BICC1: variants seen among roughly 807,000 people sequenced by gnomAD.
BICC1 encodes BicC family RNA binding protein 1.
In BICC1, 43 loss-of-function variants were observed where a neutral mutation model predicts 111.0. That is an observed-to-expected ratio of 0.39 (90% CI 0.30 to 0.50). BICC1 has a LOEUF of 0.50. Among genes scored for constraint, BICC1 ranks in the 20% least tolerant of loss-of-function variants. BICC1 has a pLI of 0.88. For missense variants in BICC1, 1,091 were observed against 1,203.2 expected, an observed-to-expected ratio of 0.91 and a Z score of 1.38; for synonymous variants, 467 against 434.4, an observed-to-expected ratio of 1.07 and a Z score of -0.93.
rs542489577 is a variant in BICC1, at chr10:58,707,094, A to G, written c.307+4951A>G. Among the ~76,000 whole-genome samples, 6 of 152,308 alleles carry G rather than the reference A, an allele frequency of 3.9e-5. No homozygotes were observed. In the South Asian group the frequency reaches 1.0e-3, roughly 26 times the overall value. On this transcript the variant is annotated intron_variant, in intron 3 of 20. Transcript: ENST00000373886. ...CTTGATGTTTCCTGGTTTGGAGACA[A>G]TTTGGCACCAAGTTTAGCCATTCTC...
intron 3 of BICC1, among the ~76,000 whole-genome samples, chr10:58,748,692 T>C (rs1056889200): frequency 6.6e-6 from 1 of 152,128 alleles, no homozygotes; most frequent in African/African-American, 2.4e-5. Flanking sequence ...CTCTGGAGCA[T>C]GTAGGGTATT....
At chr10:58,573,875 T>C (rs1040016204) in intron 1 of BICC1, among the ~76,000 whole-genome samples, 9 of 152,158 alleles carry the variant, frequency 5.9e-5, no homozygotes, top group African/African-American at 2.2e-4. Flanking sequence ...ACATTTTTGG[T>C]TTGTAGACCC....
chr10:58,801,140 G>A lies in BICC1; in HGVS notation c.2015+94G>A, dbSNP rs566271857. ...GTTAGTACTCTTTGATTCAAGTCAT[G>A]TTTGATCTCATCCATGGGTGTTTTC... On this transcript the variant is annotated intron_variant, in intron 14 of 20. Coordinates refer to ENST00000373886, the MANE Select transcript of BICC1 (RefSeq NM_001080512.3). 5 of 1,119,146 alleles carry A rather than the reference G, an allele frequency of 4.5e-6. No homozygotes were observed. The Admixed American group carries it at 1.8e-4, about 40-fold the overall frequency. The allele number at this position is 1,119,146 out of a possible 1,614,324, so 69.3% of individuals were successfully genotyped here.
intron 1 of BICC1, among the ~76,000 whole-genome samples, chr10:58,599,899 A>G (rs1392837586): frequency 6.6e-6 from 1 of 150,406 alleles, no homozygotes; most frequent in African/African-American, 2.4e-5. Flanking sequence ...ACATGATTTT[A>G]ATTGTCTTTC....
intron 3 of BICC1, among the ~76,000 whole-genome samples, chr10:58,754,781 T>TGTGC (rs1229321499): frequency 1.3e-5 from 2 of 151,970 alleles, no homozygotes; most frequent in South Asian, 4.2e-4. Flanking sequence ...TGTGTGTGTG[T>TGTGC]GTGTAAAACA....
intron 3 of BICC1, among the ~76,000 whole-genome samples, chr10:58,778,062 A>T (rs1830915320): frequency 6.6e-6 from 1 of 151,890 alleles, no homozygotes; most frequent in African/African-American, 2.4e-5. Flanking sequence ...CTCTACAAAA[A>T]ATTAGCCAGG....
Position 58,513,055 on chromosome 10 carries a change from G to A in BICC1, c.-89G>A. The A allele has an allele frequency of 1.9e-6, 2 of 1,056,514 alleles. No individual in the cohort carries two copies. The highest frequency in any genetic ancestry group is 2.4e-6 in the Non-Finnish European group (2 of 828,880). The allele number at this position is 1,056,514 out of a possible 1,614,324, so 65.4% of individuals were successfully genotyped here. A position where few individuals can be genotyped will look rare whatever the true frequency, so the allele number is the denominator to read the frequency against. ...GGGGACGAGCTAGCGCCGCGGCGCTGGGAGCCAGTTGAGCCCGGCCGGCGA... is the reference window on the plus strand; with the variant it reads ...GGGGACGAGCTAGCGCCGCGGCGCTAGGAGCCAGTTGAGCCCGGCCGGCGA... On this transcript the variant is annotated 5_prime_UTR_variant, in exon 1 of 21. Transcript: ENST00000373886.
chr10:58,638,780 C>T (rs750406812), intron 2 of BICC1, among the ~76,000 whole-genome samples: 2 of 152,074 alleles, frequency 1.3e-5, no homozygotes, highest in African/African-American at 4.8e-5. Flanking sequence ...CCTCTGGTTC[C>T]GTTATTCGTC....
chr10:58,699,515 C>A (rs948148151), intron 2 of BICC1, among the ~76,000 whole-genome samples: 1 of 152,170 alleles, frequency 6.6e-6, no homozygotes, highest in African/African-American at 2.4e-5. Context: ...AAAGTTAGGT[C>A]TTCTACACAT....
At chr10:58,758,168 T>G (rs1842199100) in intron 3 of BICC1, among the ~76,000 whole-genome samples, 1 of 152,202 alleles carries the variant, frequency 6.6e-6, no homozygotes. Flanking sequence ...TTTTTTTTGG[T>G]TGGAAAAATA....
chr10:58,818,114 G>A (rs572987383), intron 19 of BICC1, among the ~76,000 whole-genome samples: 9 of 152,226 alleles, frequency 5.9e-5, no homozygotes, highest in South Asian at 2.1e-4. Context: ...GTAAATAACA[G>A]CATCTGAAAT....
chr10:58,677,605 C>G (rs991186455), intron 2 of BICC1, among the ~76,000 whole-genome samples: 2 of 152,166 alleles, frequency 1.3e-5, no homozygotes, highest in African/African-American at 4.8e-5. Flanking sequence ...GAGAATGGAA[C>G]CAAGTTGGAA....
intron 1 of BICC1, among the ~76,000 whole-genome samples, chr10:58,537,415 C>T (rs1582826): frequency 0.46 from 69,641 of 151,254 alleles, 17,062 homozygotes; most frequent in Admixed American, 0.62. Flanking sequence ...GCAGAAAAAG[C>T]ATTTGATAAA....
Position 58,796,055 on chromosome 10 carries a change from C to T in BICC1, c.1180-285C>T, listed in dbSNP as rs142151167. 6.0e-3 allele frequency among the ~76,000 whole-genome samples: 919 copies of T among 152,258 alleles called. 1 individual carries two copies. The highest frequency in any genetic ancestry group is 9.9e-3 in the Non-Finnish European group (671 of 68,022). On this transcript the variant is annotated intron_variant, in intron 9 of 20. Transcript: ENST00000373886. Reference sequence around the variant, plus strand: ...CACTGAATATGAGTAATGATTCCCACCCTATAAGGTTTTGCTGAGAATAGG... The same window carrying T: ...CACTGAATATGAGTAATGATTCCCATCCTATAAGGTTTTGCTGAGAATAGG...
At chr10:58,635,479 G>T (rs1207736724) in intron 2 of BICC1, among the ~76,000 whole-genome samples, 1 of 152,146 alleles carries the variant, frequency 6.6e-6, no homozygotes, top group African/African-American at 2.4e-5. Flanking sequence ...ATGTGATGTA[G>T]CTATACAACA....
chr10:58,523,606 G>A (rs1310905586), intron 1 of BICC1, among the ~76,000 whole-genome samples: 1 of 152,114 alleles, frequency 6.6e-6, no homozygotes, highest in Non-Finnish European at 1.5e-5. Flanking sequence ...CATATTGAAT[G>A]GGCAAAAACT....
chr10:58,537,065 C>T (rs1842844071), intron 1 of BICC1, among the ~76,000 whole-genome samples: 2 of 149,274 alleles, frequency 1.3e-5, no homozygotes, highest in South Asian at 4.2e-4. Context: ...AACAAACAAA[C>T]AAACCAAAAA....
intron 2 of BICC1, among the ~76,000 whole-genome samples, chr10:58,699,783 C>T (rs764977947): frequency 2.0e-5 from 3 of 152,022 alleles, no homozygotes; most frequent in Non-Finnish European, 4.4e-5. Flanking sequence ...CATCCTTGAA[C>T]TCCTGGGCTC....
At chr10:58,826,114 G>A (rs934309654) in intron 20 of BICC1, among the ~76,000 whole-genome samples, 3 of 152,170 alleles carry the variant, frequency 2.0e-5, no homozygotes, top group Non-Finnish European at 4.4e-5. Flanking sequence ...AGCTTTTAGA[G>A]TGGGTGCAGG....
Sources: gnomAD v4.1 joint callset for allele counts (sites outside exome capture counted in the v4.1 genomes callset) on GRCh38, gnomAD v4.1.1 for gene constraint, MANE v1.5 for transcripts, NCBI Gene and HGNC (gene_info 2026-07-23, HGNC 2026-07-21) for gene names.